PTCD3: variants seen among roughly 807,000 people sequenced by gnomAD.
PTCD3 encodes pentatricopeptide repeat domain 3.
Under a neutral mutation model 101.9 loss-of-function variants are expected in PTCD3, and 89 were observed. That is an observed-to-expected ratio of 0.87 (90% CI 0.74 to 1.04). The LOEUF is 1.04. Among genes scored for constraint, PTCD3 ranks in the 50% least tolerant of loss-of-function variants. The pLI is 0.00. For synonymous variants in PTCD3, 296 were observed against 278.5 expected (o/e 1.06, Z -0.63); for missense variants, 870 against 828.2 (o/e 1.05, Z -0.62).
intron 17 of PTCD3, 41 bp downstream of exon 17, chr2:86,132,465 GAT>G: frequency 1.4e-6 from 2 of 1,408,502 alleles, no homozygotes; most frequent in Non-Finnish European, 2.0e-6. Context: ...TGAGTTACCA[GAT>G]TCTGCAAGTG....
intron 4 of PTCD3, 51 bp from the exon 5 acceptor site, chr2:86,116,479 G>A (rs1298880861): frequency 2.1e-6 from 3 of 1,438,068 alleles, no homozygotes; most frequent in African/African-American, 1.4e-5. Flanking sequence ...AAAAGTTACA[G>A]TGAGCTGTCT....
At chr2:86,112,523 CAACAAA>C (rs747861138) in intron 4 of PTCD3, among the ~76,000 whole-genome samples, 3 of 151,260 alleles carry the variant, frequency 2.0e-5, no homozygotes, top group Non-Finnish European at 4.4e-5. Context: ...TCTACCAAAA[CAACAAA>C]AACAAAAATT....
At chr2:86,120,327 G>A (rs1347961302) in intron 7 of PTCD3, among the ~76,000 whole-genome samples, 1 of 152,138 alleles carries the variant, frequency 6.6e-6, no homozygotes, top group Non-Finnish European at 1.5e-5. Context: ...CCAGGGAAAG[G>A]ATCCTAGAAC....
At chr2:86,133,487 A>G (rs1558800292) in intron 19 of PTCD3, 51 bp downstream of exon 19, 2 of 1,468,030 alleles carry the variant, frequency 1.4e-6, no homozygotes, top group East Asian at 2.3e-5. Flanking sequence ...AATATCCTCT[A>G]CTTTGATAAT....
chr2:86,134,326 C>T lies in PTCD3; in HGVS notation c.1578C>T (p.Asp526=). ...AATATGGTCATACTTTCCGCAGTGA[C>T]CTGAGAGAAGAGATCCTGATGCTCA... The part of the protein sequence containing the change: ...SKEYGHTFRS[D]LREEILMLMA... Residue 526 remains aspartate (D), a synonymous_variant, in exon 20 of 24, where the codon GAC becomes GAT. Transcript: ENST00000254630. 3 of 1,613,458 alleles carry T rather than the reference C, an allele frequency of 1.9e-6. No homozygotes were observed. Among genetic ancestry groups the T allele is most frequent in the Non-Finnish European group, 2.5e-6 (3 of 1,179,446 alleles).
chr2:86,137,688 T>C lies in PTCD3; in HGVS notation c.*129T>C. On this transcript the variant is annotated 3_prime_UTR_variant, in exon 24 of 24. Coordinates refer to ENST00000254630, the MANE Select transcript of PTCD3 (RefSeq NM_017952.6). Reference sequence around the variant, plus strand: ...TACAGATTTGGTGAATTTGTTACTGTGAGGTACAGTCAGTACACAGCTGAC... The same window carrying C: ...TACAGATTTGGTGAATTTGTTACTGCGAGGTACAGTCAGTACACAGCTGAC... The C allele has an allele frequency of 7.2e-7, 1 of 1,379,892 alleles. No homozygotes were observed. The highest frequency in any genetic ancestry group is 9.9e-7 in the Non-Finnish European group (1 of 1,014,682). The allele number at this position is 1,379,892 out of a possible 1,614,324, so 85.5% of individuals were successfully genotyped here. A position where few individuals can be genotyped will look rare whatever the true frequency, so the allele number is the denominator to read the frequency against.
intron 4 of PTCD3, among the ~76,000 whole-genome samples, chr2:86,112,479 G>C (rs1674107061): frequency 6.6e-6 from 1 of 151,322 alleles, no homozygotes; most frequent in South Asian, 2.1e-4. Context: ...TCAGGAGTTC[G>C]ATACCAGCAT....
intron 11 of PTCD3, 106 bp downstream of exon 11, chr2:86,125,621 TC>T: frequency 8.1e-7 from 1 of 1,229,368 alleles, no homozygotes; most frequent in Non-Finnish European, 1.2e-6. Flanking sequence ...CTTTACCTTT[TC>T]CTGAGGCGTA....
At chr2:86,128,527 C>T (rs555685293) in intron 14 of PTCD3, among the ~76,000 whole-genome samples, 10 of 152,314 alleles carry the variant, frequency 6.6e-5, no homozygotes, top group Non-Finnish European at 1.2e-4. Flanking sequence ...TATTTTGTCA[C>T]ATTGGTGCTC....
At chr2:86,126,190 A>G (rs1054518428) in intron 12 of PTCD3, among the ~76,000 whole-genome samples, 3 of 148,308 alleles carry the variant, frequency 2.0e-5, no homozygotes, top group Non-Finnish European at 4.5e-5. Flanking sequence ...AGATCGCACC[A>G]CTGCACTCCA....
chr2:86,128,118 C>A, intron 14 of PTCD3, 127 bp downstream of exon 14: 2 of 814,914 alleles, frequency 2.5e-6, no homozygotes, highest in Non-Finnish European at 4.0e-6. Flanking sequence ...GTAAATTAAC[C>A]TGTACAGCCT....
chr2:86,134,288 C>G lies in PTCD3; in HGVS notation c.1544-4C>G. ...ATCACTCCTTGTTCCTTTCTTGTTT[C>G]AAGATAGTAAAGAATATGGTCATAC... On this transcript the variant is annotated splice_polypyrimidine_tract_variant and splice_region_variant and intron_variant, in intron 19 of 23. Coordinates refer to ENST00000254630, the MANE Select transcript of PTCD3 (RefSeq NM_017952.6). 6.3e-7 allele frequency: 1 copy of G among 1,599,036 alleles called. No homozygotes were observed. The highest frequency in any genetic ancestry group is 8.6e-7 in the Non-Finnish European group (1 of 1,166,736).
intron 1 of PTCD3, chr2:86,107,265 C>T: frequency 2.1e-6 from 1 of 470,130 alleles, no homozygotes; most frequent in Non-Finnish European, 4.4e-6. Context: ...TCCTCAGCAT[C>T]CGTTCTCAAA....
At chr2:86,134,185 A>C (rs2104462117) in intron 19 of PTCD3, 107 bp from the exon 20 acceptor site, 1 of 785,046 alleles carries the variant, frequency 1.3e-6, no homozygotes, top group South Asian at 1.8e-5. Context: ...AGCCTAGAAT[A>C]AATAACAGCA....
At chr2:86,109,564 T>G (rs2104446432) in intron 3 of PTCD3, among the ~76,000 whole-genome samples, 1 of 152,336 alleles carries the variant, frequency 6.6e-6, no homozygotes, top group South Asian at 2.1e-4. Context: ...CTTACCGTAT[T>G]GGCAGAGAGA....
chr2:86,125,149 C>A lies in PTCD3; in HGVS notation c.804+67C>A, dbSNP rs1246029202. 6.3e-6 allele frequency: 10 copies of A among 1,582,374 alleles called. No individual in the cohort carries two copies. The Admixed American group carries it at 1.4e-4, about 22-fold the overall frequency. On this transcript the variant is annotated intron_variant, in intron 10 of 23. Transcript: ENST00000254630. ...TCAGGGTGTTTCAGCCTCAGAACTA[C>A]TAACATTTTGGGTCAGGTAATTTGT...
At chr2:86,128,744 A>G (rs955541876) in intron 14 of PTCD3, among the ~76,000 whole-genome samples, 5 of 152,196 alleles carry the variant, frequency 3.3e-5, no homozygotes, top group African/African-American at 1.2e-4. Flanking sequence ...GACTTTGAAG[A>G]GAGACACACC....
At chr2:86,125,902 A>T (rs1264218749) in intron 12 of PTCD3, 22 bp downstream of exon 12, 1 of 1,498,104 alleles carries the variant, frequency 6.7e-7, no homozygotes, top group Admixed American at 1.7e-5. Context: ...TCCTCAGTTT[A>T]TTTTTTAATA....
intron 19 of PTCD3, among the ~76,000 whole-genome samples, chr2:86,134,067 C>T (rs1674537371): frequency 6.6e-6 from 1 of 152,220 alleles, no homozygotes; most frequent in South Asian, 2.1e-4. Flanking sequence ...TGGCTGCTCC[C>T]ATGTAGTGCA....
Sources: allele counts gnomAD v4.1 joint callset (sites outside exome capture counted in the v4.1 genomes callset), GRCh38; gene constraint gnomAD v4.1.1; transcripts MANE v1.5; gene names NCBI Gene and HGNC (gene_info 2026-07-23, HGNC 2026-07-21).